TMEM9: variants seen among roughly 807,000 people sequenced by gnomAD.
The protein encoded by TMEM9 is transmembrane protein 9.
TMEM9 carries 13 observed loss-of-function variants against 22.8 expected under a neutral mutation model. The ratio of observed to expected loss-of-function variants is 0.57; its 90% CI spans 0.37 to 0.91. TMEM9 has a LOEUF of 0.91. Among genes scored for constraint, TMEM9 ranks in the 40% least tolerant of loss-of-function variants. The pLI is 0.01. For missense variants in TMEM9, 182 were observed against 238.1 expected (o/e 0.76, Z 1.55); for synonymous variants, 88 against 93.0 (o/e 0.95, Z 0.31).
intron 2 of TMEM9, among the ~76,000 whole-genome samples, chr1:201,150,838 G>C (rs976671715): frequency 6.6e-6 from 1 of 152,154 alleles, no homozygotes; most frequent in Admixed American, 6.5e-5. Context: ...CATCTGCTTT[G>C]AGAAAGCAGG....
At chr1:201,137,384 C>T (rs1400201518) in intron 4 of TMEM9, among the ~76,000 whole-genome samples, 12 of 152,066 alleles carry the variant, frequency 7.9e-5, no homozygotes, top group Non-Finnish European at 1.3e-4. Flanking sequence ...CTTTATTTCT[C>T]CAAGCTTCAA....
chr1:201,168,099 T>C (rs1450551899), intron 1 of TMEM9, among the ~76,000 whole-genome samples: 1 of 152,270 alleles, frequency 6.6e-6, no homozygotes, highest in Non-Finnish European at 1.5e-5. Context: ...TAGCAGTTCA[T>C]TCATTTGCAT....
intron 4 of TMEM9, among the ~76,000 whole-genome samples, chr1:201,141,217 T>C (rs899025844): frequency 2.6e-5 from 4 of 152,170 alleles, no homozygotes; most frequent in African/African-American, 9.6e-5. Flanking sequence ...CGAAGCCAGA[T>C]CTTACTGCCA....
chr1:201,153,581 A>T (rs1374818626), intron 1 of TMEM9, among the ~76,000 whole-genome samples: 1 of 152,228 alleles, frequency 6.6e-6, no homozygotes, highest in Non-Finnish European at 1.5e-5. Flanking sequence ...GAGAACTTAG[A>T]TAACTTCTCC....
intron 3 of TMEM9, chr1:201,144,783 G>C (rs556576372): frequency 1.3e-5 from 2 of 152,260 alleles, no homozygotes; most frequent in African/African-American, 2.4e-5. Flanking sequence ...ATGCCCCCTG[G>C]GGGGGCTGTA....
chr1:201,143,035 T>C (rs1370833524), intron 4 of TMEM9, among the ~76,000 whole-genome samples: 4 of 152,202 alleles, frequency 2.6e-5, no homozygotes, highest in Non-Finnish European at 4.4e-5. Context: ...CTTTTTAGTA[T>C]GAGGATGAAT....
intron 1 of TMEM9, among the ~76,000 whole-genome samples, chr1:201,162,204 C>T (rs1189262412): frequency 6.7e-6 from 1 of 150,142 alleles, no homozygotes; most frequent in Admixed American, 6.6e-5. Flanking sequence ...GACAGGGTCT[C>T]TGTGACCCAG....
upstream of TMEM9, among the ~76,000 whole-genome samples, chr1:201,156,476 A>G (rs980808654): frequency 6.6e-6 from 1 of 152,094 alleles, no homozygotes; most frequent in Non-Finnish European, 1.5e-5. Flanking sequence ...CCACTTGGCA[A>G]CCAAGCCAAG....
chr1:201,166,344 T>G (rs1411650196), intron 1 of TMEM9, among the ~76,000 whole-genome samples: 2 of 138,232 alleles, frequency 1.4e-5, no homozygotes, highest in African/African-American at 5.5e-5. Flanking sequence ...GTATTGGACT[T>G]GGAAAAAAAA....
At chr1:201,154,922 GAGA>G (rs1665736462), upstream of TMEM9, among the ~76,000 whole-genome samples, 1 of 152,312 alleles carries the variant, frequency 6.6e-6, no homozygotes, top group Admixed American at 6.5e-5. Context: ...ACACACCTCT[GAGA>G]AGGAGAAATC....
chr1:201,146,596 T>G (rs778197348), intron 3 of TMEM9, 144 bp downstream of exon 3: 3 of 833,718 alleles, frequency 3.6e-6, no homozygotes, highest in Non-Finnish European at 4.1e-6. Flanking sequence ...TGGGTCCCAG[T>G]GTCTGCACTA....
chr1:201,139,083 C>T (rs1421161653), intron 4 of TMEM9, among the ~76,000 whole-genome samples: 1 of 152,222 alleles, frequency 6.6e-6, no homozygotes, highest in African/African-American at 2.4e-5. Flanking sequence ...GCCCTGAGCC[C>T]TTCAGGCCGT....
chr1:201,141,826 A>G (rs4915218), intron 4 of TMEM9, among the ~76,000 whole-genome samples: 110,575 of 151,908 alleles, frequency 0.73, 40,425 homozygotes, highest in Non-Finnish European at 0.77. Context: ...CTGGGTTCAT[A>G]CCCAGGGACG....
chr1:201,158,047 C>A (rs12089249), upstream of TMEM9, among the ~76,000 whole-genome samples: 11 of 152,148 alleles, frequency 7.2e-5, no homozygotes, highest in African/African-American at 2.7e-4. Context: ...ACAGAGGAAC[C>A]TTTTCTGGCT....
chr1:201,152,539 G>A (rs558572834), intron 1 of TMEM9, among the ~76,000 whole-genome samples: 3 of 152,268 alleles, frequency 2.0e-5, no homozygotes, highest in East Asian at 1.9e-4. Flanking sequence ...AATAAAGAAT[G>A]GAAGTTATCT....
At chr1:201,160,955 T>G (rs1665930619) in intron 1 of TMEM9, among the ~76,000 whole-genome samples, 1 of 151,850 alleles carries the variant, frequency 6.6e-6, no homozygotes, top group Non-Finnish European at 1.5e-5. Context: ...AAAAAAATAT[T>G]GAGGACCCTA....
Position 201,143,948 on chromosome 1 carries a change from T to C in TMEM9, c.271A>G (p.Ile91Val), listed in dbSNP as rs776763614. The change falls in exon 4 of 5, where the codon ATC becomes GTC. Residue 91 changes from isoleucine to valine, a missense_variant. By Grantham distance (29) the Ile-to-Val change is conservative. Transcript: ENST00000367330. ...EERSTTTIKVIIVIYLSVVGA... is the reference protein window; with the variant it reads ...EERSTTTIKVVIVIYLSVVGA... ...ACCACGGACAGGTAGATGACAATGA[T>C]GACCTGAGGAAGAGACCGGCGTGCC... The C allele has an allele frequency of 2.7e-5, 44 of 1,613,918 alleles. No homozygotes were observed. The highest frequency in any genetic ancestry group is 3.5e-5 in the Non-Finnish European group (41 of 1,179,982).
intron 2 of TMEM9, among the ~76,000 whole-genome samples, chr1:201,149,468 T>G (rs376272002): frequency 6.6e-6 from 1 of 152,234 alleles, no homozygotes; most frequent in East Asian, 1.9e-4. Context: ...AGCCAACTTA[T>G]TCAGTGCTTT....
chr1:201,158,923 G>T (rs1665875133), upstream of TMEM9, among the ~76,000 whole-genome samples: 1 of 152,162 alleles, frequency 6.6e-6, no homozygotes, highest in South Asian at 2.1e-4. Flanking sequence ...TACCGTTGGT[G>T]CTCCTGGATA....
Sources: allele counts gnomAD v4.1 joint callset (sites outside exome capture counted in the v4.1 genomes callset), GRCh38; gene constraint gnomAD v4.1.1; transcripts MANE v1.5; gene names NCBI Gene and HGNC (gene_info 2026-07-23, HGNC 2026-07-21).